Variants in SFMBT2 observed in about 807,000 individuals in gnomAD.
The protein encoded by SFMBT2 is Scm like with four mbt domains 2.
In SFMBT2, 38 loss-of-function variants were observed where a neutral mutation model predicts 110.1. The observed-to-expected ratio is 0.35, with a 90% CI of 0.27 to 0.45. SFMBT2 has a LOEUF of 0.45. Ranked by LOEUF, SFMBT2 falls within the 20% of genes least tolerant of loss-of-function variation. The probability of loss-of-function intolerance (pLI) is 1.00; values close to 1 mark genes in which losing one functional copy is unlikely to be tolerated. For synonymous variants in SFMBT2, 425 were observed against 425.4 expected, an observed-to-expected ratio of 1.00 and a Z score of 0.01; for missense variants, 1,011 against 1,094.9, an observed-to-expected ratio of 0.92 and a Z score of 1.08.
intron 1 of SFMBT2, among the ~76,000 whole-genome samples, chr10:7,396,230 C>G (rs769158297): frequency 6.6e-6 from 1 of 152,162 alleles, no homozygotes; most frequent in Non-Finnish European, 1.5e-5. Context: ...GCCTGGGCGA[C>G]AGAGCGAGAC....
intron 1 of SFMBT2, among the ~76,000 whole-genome samples, chr10:7,396,664 C>T (rs1845934221): frequency 6.6e-6 from 1 of 151,874 alleles, no homozygotes. Flanking sequence ...TTATTAGACA[C>T]AAGAAATGTA....
chr10:7,261,504 G>A (rs144717254), intron 7 of SFMBT2, among the ~76,000 whole-genome samples: 7 of 152,298 alleles, frequency 4.6e-5, no homozygotes, highest in Admixed American at 3.3e-4. Context: ...ACTCACAGGC[G>A]AAATGACCAA....
chr10:7,385,422 A>C (rs911024859), intron 1 of SFMBT2, among the ~76,000 whole-genome samples: 11 of 152,092 alleles, frequency 7.2e-5, no homozygotes, highest in Non-Finnish European at 1.5e-4. Flanking sequence ...AAATACCGGG[A>C]ATGTGGAGGG....
At chr10:7,387,564 G>T (rs774453033) in intron 1 of SFMBT2, among the ~76,000 whole-genome samples, 14 of 151,980 alleles carry the variant, frequency 9.2e-5, no homozygotes, top group Non-Finnish European at 2.1e-4. Context: ...GGTGGGCCGG[G>T]GGGTGCATCA....
chr10:7,403,597 G>A (rs1384805247), intron 1 of SFMBT2, among the ~76,000 whole-genome samples: 1 of 152,160 alleles, frequency 6.6e-6, no homozygotes, highest in East Asian at 1.9e-4. Context: ...AGCCGAGATC[G>A]CAGCACTGCA....
intron 7 of SFMBT2, among the ~76,000 whole-genome samples, chr10:7,274,311 C>T (rs532095702): frequency 2.1e-4 from 32 of 152,094 alleles, no homozygotes; most frequent in African/African-American, 6.5e-4. Context: ...CACAGTGAGA[C>T]CCCATCTGTA....
chr10:7,275,390 G>A (rs906828487), intron 7 of SFMBT2, among the ~76,000 whole-genome samples: 1 of 152,204 alleles, frequency 6.6e-6, no homozygotes, highest in East Asian at 1.9e-4. Flanking sequence ...TCTGGTGGGG[G>A]TGGCAGAGCT....
At chr10:7,216,194 C>T (rs971555120) in intron 11 of SFMBT2, among the ~76,000 whole-genome samples, 8 of 152,212 alleles carry the variant, frequency 5.3e-5, no homozygotes, top group Non-Finnish European at 8.8e-5. Context: ...CCGCTCCCAT[C>T]GCAGACCGCA....
chr10:7,272,538 C>T (rs984185359), intron 7 of SFMBT2, among the ~76,000 whole-genome samples: 6 of 152,130 alleles, frequency 3.9e-5, no homozygotes, highest in Non-Finnish European at 7.4e-5. Flanking sequence ...TAGACGCCCC[C>T]CACAGCCTCC....
intron 4 of SFMBT2, among the ~76,000 whole-genome samples, chr10:7,289,254 C>T (rs59948429): frequency 0.01 from 1,593 of 152,278 alleles, 26 homozygotes; most frequent in African/African-American, 0.037. Flanking sequence ...TATAATCCAG[C>T]GATAAATGGT....
At chr10:7,405,119 C>T (rs1007333862) in intron 1 of SFMBT2, among the ~76,000 whole-genome samples, 3 of 152,174 alleles carry the variant, frequency 2.0e-5, no homozygotes, top group African/African-American at 7.2e-5. Flanking sequence ...GCGGCCAAAC[C>T]TGAACCCTAG....
At chr10:7,284,366 CA>C (rs1293817923) in intron 5 of SFMBT2, 7 of 1,295,760 alleles carry the variant, frequency 5.4e-6, no homozygotes, top group Non-Finnish European at 6.8e-6. Context: ...TATCCAACAA[CA>C]AAAAAATCAC....
At chr10:7,244,317 G>A (rs1335095707) in intron 8 of SFMBT2, 1 of 225,414 alleles carries the variant, frequency 4.4e-6, no homozygotes, top group Non-Finnish European at 7.4e-6. Flanking sequence ...TTCTGATCTG[G>A]CTGGAATAAA....
chr10:7,202,367 A>G, intron 13 of SFMBT2, 113 bp downstream of exon 13: 1 of 1,299,004 alleles, frequency 7.7e-7, no homozygotes, highest in Non-Finnish European at 1.1e-6. Context: ...TACCTCTACT[A>G]GGGTGCTATT....
intron 1 of SFMBT2, among the ~76,000 whole-genome samples, chr10:7,397,715 G>A (rs1443190209): frequency 6.6e-6 from 1 of 152,218 alleles, no homozygotes; most frequent in Non-Finnish European, 1.5e-5. Flanking sequence ...GCCCGGAATC[G>A]CAGCAGTACC....
chr10:7,364,302 A>G (rs751102964), intron 4 of SFMBT2, among the ~76,000 whole-genome samples: 5 of 152,254 alleles, frequency 3.3e-5, no homozygotes, highest in Admixed American at 6.5e-5. Flanking sequence ...AAAAGACTTT[A>G]AGTATTTCCA....
rs527496250 is a variant in SFMBT2, at chr10:7,327,178, T to C, written c.436+40471A>G. ...AAGTTCTCCCTATTCCTCTCTCGTA[T>C]CCACAACAACAACAAAATAATAAGA... is the stretch of plus-strand genomic sequence containing the variant. On this transcript the variant is annotated intron_variant, in intron 4 of 20. Transcript: ENST00000397167. Among the ~76,000 whole-genome samples the C allele has an allele frequency of 2.1e-4, 32 of 150,540 alleles. No homozygotes were observed. In the East Asian group the frequency reaches 5.6e-3, roughly 26 times the overall value.
At position 7,162,280 on chromosome 10, in the gene SFMBT2, A is replaced by C. The variant is rs2462707; in HGVS notation, c.*1490T>G. 151,840 of 152,346 alleles carry C rather than the reference A, an allele frequency of 1. 75,669 individuals carry two copies. The highest frequency in any genetic ancestry group is 1 in the Middle Eastern group (294 of 294). 9.4% of individuals were successfully genotyped at this position (152,346 alleles called of 1,614,324 possible). ...GACCCTTCTTATTCTTTCTTTTTCT[A>C]ATTTTTGTACGATCTGGATCTTCCT... On this transcript the variant is annotated 3_prime_UTR_variant, in exon 21 of 21. Transcript: ENST00000397167.
At chr10:7,173,261 C>T (rs1837946544) in intron 17 of SFMBT2, among the ~76,000 whole-genome samples, 1 of 152,196 alleles carries the variant, frequency 6.6e-6, no homozygotes, top group Non-Finnish European at 1.5e-5. Flanking sequence ...CCTGTCTGGA[C>T]CCCAGACACT....
Sources: allele counts gnomAD v4.1 joint callset (sites outside exome capture counted in the v4.1 genomes callset), GRCh38; gene constraint gnomAD v4.1.1; transcripts MANE v1.5; gene names NCBI Gene and HGNC (gene_info 2026-07-23, HGNC 2026-07-21).